NPR3: variants seen among roughly 807,000 people sequenced by gnomAD.
NPR3 encodes the protein atrial natriuretic peptide receptor 3.
Under a neutral mutation model 54.5 loss-of-function variants are expected in NPR3, and 34 were observed. The observed-to-expected ratio is 0.62, with a 90% confidence interval of 0.47 to 0.83. The LOEUF (loss-of-function observed/expected upper bound fraction) is 0.83, where lower values mean the gene tolerates loss of function less well. Ranked by LOEUF, NPR3 falls within the 40% of genes least tolerant of loss-of-function variation. NPR3 has a pLI of 0.00. For missense variants in NPR3, 674 were observed against 720.8 expected (o/e 0.94, Z 0.74); for synonymous variants, 289 against 297.1 (o/e 0.97, Z 0.28).
intron 3 of NPR3, among the ~76,000 whole-genome samples, chr5:32,744,165 G>A (rs1379710649): frequency 6.6e-6 from 1 of 151,840 alleles, no homozygotes; most frequent in Non-Finnish European, 1.5e-5. Context: ...GCTAATTTTT[G>A]TATTTTTAGT....
intron 1 of NPR3, chr5:32,713,086 T>C (rs1738352150): frequency 1.3e-6 from 1 of 772,866 alleles, no homozygotes; most frequent in Non-Finnish European, 1.6e-6. Context: ...AAAGGCTTGT[T>C]GACTCACTCT....
Position 32,789,024 on chromosome 5 carries a change from A to T in NPR3, c.*2679A>T, listed in dbSNP as rs1397890999. On this transcript the variant is annotated 3_prime_UTR_variant, in exon 8 of 8. Coordinates refer to ENST00000265074, the MANE Select transcript of NPR3 (RefSeq NM_001204375.2). Reference sequence around the variant, plus strand: ...TTTACGTTCCTAACTGCTAAGCAACATCTTTGACAACTAGTAATTCATACT... The same window carrying T: ...TTTACGTTCCTAACTGCTAAGCAACTTCTTTGACAACTAGTAATTCATACT... 1 of 155,488 alleles carries T rather than the reference A, an allele frequency of 6.4e-6. No homozygotes were observed. The highest frequency in any genetic ancestry group is 6.3e-5 in the Admixed American group (1 of 15,966). The allele number at this position is 155,488 out of a possible 1,614,324, so 9.6% of individuals were successfully genotyped here.
chr5:32,719,475 A>T (rs1046911757), intron 1 of NPR3, among the ~76,000 whole-genome samples: 3 of 152,150 alleles, frequency 2.0e-5, no homozygotes, highest in Non-Finnish European at 4.4e-5. Flanking sequence ...GTATTGCTTT[A>T]CTGTCTTCTA....
chr5:32,746,927 T>C (rs1023887742), intron 3 of NPR3, among the ~76,000 whole-genome samples: 2 of 152,190 alleles, frequency 1.3e-5, no homozygotes, highest in Non-Finnish European at 2.9e-5. Flanking sequence ...TAAGTCAAAA[T>C]AATACACAAC....
intron 3 of NPR3, 77 bp from the exon 4 acceptor site, chr5:32,774,631 C>A: frequency 9.1e-7 from 1 of 1,099,316 alleles, no homozygotes; most frequent in Non-Finnish European, 1.4e-6. Context: ...AACTTGTTAA[C>A]GCTTTGGATT....
intron 3 of NPR3, among the ~76,000 whole-genome samples, chr5:32,759,357 A>G (rs1430415214): frequency 6.6e-6 from 1 of 152,120 alleles, no homozygotes; most frequent in Non-Finnish European, 1.5e-5. Context: ...ACCATTATGT[A>G]ATGGCCTTTT....
At chr5:32,713,483 C>T (rs1419776452) in intron 1 of NPR3, 1 of 982,756 alleles carries the variant, frequency 1.0e-6, no homozygotes, top group East Asian at 1.1e-4. Flanking sequence ...GGTATAGCGC[C>T]GATCCCTCCT....
intron 1 of NPR3, among the ~76,000 whole-genome samples, chr5:32,695,937 G>A (rs2111809006): frequency 6.6e-6 from 1 of 152,240 alleles, no homozygotes; most frequent in African/African-American, 2.4e-5. Flanking sequence ...CTTGTCAGAT[G>A]GATAGTTTGA....
At chr5:32,780,340 C>T (rs993704616) in intron 4 of NPR3, among the ~76,000 whole-genome samples, 18 of 152,104 alleles carry the variant, frequency 1.2e-4, no homozygotes, top group African/African-American at 3.4e-4. Flanking sequence ...CCAATGATAA[C>T]GCAAACCCAT....
At chr5:32,785,213 C>T (rs1045870830) in intron 7 of NPR3, among the ~76,000 whole-genome samples, 1 of 139,608 alleles carries the variant, frequency 7.2e-6, no homozygotes, top group Non-Finnish European at 1.5e-5. Flanking sequence ...AGTGCAGTGG[C>T]ACGATCTCTG....
intron 2 of NPR3, among the ~76,000 whole-genome samples, chr5:32,731,665 T>G (rs1474686235): frequency 6.6e-6 from 1 of 152,206 alleles, no homozygotes; most frequent in African/African-American, 2.4e-5. Flanking sequence ...ACATTTTTTC[T>G]GTGGTGTTAG....
chr5:32,706,395 A>G (rs1737986899), upstream of NPR3, among the ~76,000 whole-genome samples: 1 of 152,220 alleles, frequency 6.6e-6, no homozygotes. Context: ...CTTTACCAAC[A>G]TGATCCTGAA....
chr5:32,734,992 C>T lies in NPR3; in HGVS notation c.893-3872C>T, dbSNP rs976990762. Among the ~76,000 whole-genome samples, 8 of 152,274 alleles carry T rather than the reference C, an allele frequency of 5.3e-5. No homozygotes were observed. The East Asian group carries it at 1.5e-3, about 29-fold the overall frequency. ...TCCTCTTGCCCACTAAAAATAGCATCCCCCCAAAGTGTCTGTGCTCTGCCC... is the reference window on the plus strand; with the variant it reads ...TCCTCTTGCCCACTAAAAATAGCATTCCCCCAAAGTGTCTGTGCTCTGCCC... On this transcript the variant is annotated intron_variant, in intron 2 of 7. Transcript: ENST00000265074.
chr5:32,786,128 A>G lies in NPR3; in HGVS notation c.1515-106A>G, dbSNP rs188686748. 3.5e-5 allele frequency: 21 copies of G among 605,156 alleles called. No homozygotes were observed. The African/African-American group carries it at 3.7e-4, about 11-fold the overall frequency. The allele number at this position is 605,156 out of a possible 1,614,324, so 37.5% of individuals were successfully genotyped here. On this transcript the variant is annotated intron_variant, in intron 7 of 7. Transcript: ENST00000265074. ...AGGGTTTCATATTCTGTCACTTCTCATTTATCAACTGAAACCCAGATGTCC... is the reference window on the plus strand; with the variant it reads ...AGGGTTTCATATTCTGTCACTTCTCGTTTATCAACTGAAACCCAGATGTCC...
chr5:32,719,757 T>C (rs1157797220), intron 1 of NPR3, among the ~76,000 whole-genome samples: 1 of 151,740 alleles, frequency 6.6e-6, no homozygotes, highest in Non-Finnish European at 1.5e-5. Context: ...TCTACTTTTC[T>C]TACCTTCTAT....
chr5:32,789,159 T>C lies in NPR3; in HGVS notation c.*2814T>C, dbSNP rs1352022799. 4.9e-6 allele frequency: 1 copy of C among 205,564 alleles called. No individual in the cohort carries two copies. The highest frequency in any genetic ancestry group is 1.0e-5 in the Non-Finnish European group (1 of 99,682). The allele number at this position is 205,564 out of a possible 1,614,324, so 12.7% of individuals were successfully genotyped here. On this transcript the variant is annotated 3_prime_UTR_variant, in exon 8 of 8. Coordinates refer to ENST00000265074, the MANE Select transcript of NPR3 (RefSeq NM_001204375.2). ...GGTGTTCAGATTTCAAAAAGGATAA[T>C]TTATCAGTATTTTCTCATCCAGTCA...
At chr5:32,766,225 G>A (rs765445411) in intron 3 of NPR3, among the ~76,000 whole-genome samples, 2 of 152,192 alleles carry the variant, frequency 1.3e-5, no homozygotes, top group Non-Finnish European at 2.9e-5. Context: ...GTACTCTAGA[G>A]GTCCCTAGCA....
At chr5:32,699,016 A>G (rs1740603537) in intron 1 of NPR3, among the ~76,000 whole-genome samples, 1 of 151,958 alleles carries the variant, frequency 6.6e-6, no homozygotes, top group Non-Finnish European at 1.5e-5. Context: ...CCAGTTTGTT[A>G]TTAGTTTTCT....
intron 2 of NPR3, among the ~76,000 whole-genome samples, chr5:32,729,639 A>C (rs1739353794): frequency 6.6e-6 from 1 of 152,208 alleles, no homozygotes; most frequent in African/African-American, 2.4e-5. Flanking sequence ...TATTGCTCCT[A>C]GGCTATAAAC....
Sources: gnomAD v4.1 joint callset for allele counts (sites outside exome capture counted in the v4.1 genomes callset) on GRCh38, gnomAD v4.1.1 for gene constraint, MANE v1.5 for transcripts, NCBI Gene and HGNC (gene_info 2026-07-23, HGNC 2026-07-21) for gene names.